The following RALGAPA2 variants were observed in gnomAD, a reference collection of about 807,000 sequenced individuals.
The protein encoded by RALGAPA2 is ral GTPase-activating protein subunit alpha-2.
In RALGAPA2, 139 loss-of-function variants were observed where a neutral mutation model predicts 230.4. That is an observed-to-expected ratio of 0.60 (90% CI 0.53 to 0.69). RALGAPA2 has a LOEUF of 0.69. Ranked by LOEUF, RALGAPA2 falls within the 30% of genes least tolerant of loss-of-function variation. The probability of loss-of-function intolerance (pLI) is 0.00; values close to 1 mark genes in which losing one functional copy is unlikely to be tolerated. For synonymous variants in RALGAPA2, 847 were observed against 837.8 expected, an observed-to-expected ratio of 1.01 and a Z score of -0.19; for missense variants, 2,163 against 2,276.0, an observed-to-expected ratio of 0.95 and a Z score of 1.01.
intron 38 of RALGAPA2, among the ~76,000 whole-genome samples, chr20:20,408,229 T>C (rs958113069): frequency 6.6e-6 from 1 of 152,234 alleles, no homozygotes; most frequent in Admixed American, 6.5e-5. Flanking sequence ...GAGAAAAATC[T>C]ATCAACTTCT....
In RALGAPA2 at chr20:20,511,256, C is replaced by G; in HGVS notation, c.4926G>C (p.Gln1642His). The change falls in exon 33 of 40, where the codon CAG (glutamine) becomes CAC (histidine). Residue 1642 changes from glutamine to histidine, a missense_variant and splice_region_variant. Gln to His is a conservative substitution (Grantham distance 24). Transcript: ENST00000202677. ...LRELKNLDSR[Q>H]CRETHKIAVF... ...TGGTTTGATATACTTTCACATACCA[C>G]TGGCGGGAGTCCAAATTTTTCAGCT... The G allele has an allele frequency of 6.3e-7, 1 of 1,575,556 alleles. No individual in the cohort carries two copies. Among genetic ancestry groups the G allele is most frequent in the Non-Finnish European group, 8.6e-7 (1 of 1,159,616 alleles).
intron 23 of RALGAPA2, among the ~76,000 whole-genome samples, chr20:20,556,824 G>A (rs568399570): frequency 6.6e-6 from 1 of 152,156 alleles, no homozygotes; most frequent in Non-Finnish European, 1.5e-5. Context: ...CAACAAGAAA[G>A]TTACTGGGGG....
intron 37 of RALGAPA2, among the ~76,000 whole-genome samples, chr20:20,469,336 T>A (rs2061490834): frequency 1.3e-5 from 2 of 151,786 alleles, no homozygotes; most frequent in Admixed American, 1.3e-4. Context: ...GGGAGAGGAG[T>A]CATTTTTGAA....
chr20:20,599,938 A>C (rs1224497650), intron 16 of RALGAPA2, among the ~76,000 whole-genome samples: 1 of 148,718 alleles, frequency 6.7e-6, no homozygotes, highest in African/African-American at 2.5e-5. Flanking sequence ...ACACCACTGC[A>C]CTTCAGCCTG....
intron 14 of RALGAPA2, among the ~76,000 whole-genome samples, chr20:20,610,561 A>C (rs1279678400): frequency 6.6e-6 from 1 of 152,062 alleles, no homozygotes; most frequent in African/African-American, 2.4e-5. Context: ...CCCTCACTGG[A>C]CCATCCCATT....
intron 37 of RALGAPA2, among the ~76,000 whole-genome samples, chr20:20,429,464 G>C (rs950555129): frequency 6.6e-6 from 1 of 152,130 alleles, no homozygotes; most frequent in Non-Finnish European, 1.5e-5. Context: ...TGACTTTCTA[G>C]CTAAATCATT....
At chr20:20,535,705 T>G (rs1460377627) in intron 26 of RALGAPA2, 40 bp downstream of exon 26, 1 of 1,532,012 alleles carries the variant, frequency 6.5e-7, no homozygotes. Context: ...AATGTGTATC[T>G]TAAAATTCTA....
At chr20:20,558,482 G>A (rs1222041803) in intron 23 of RALGAPA2, among the ~76,000 whole-genome samples, 1 of 152,056 alleles carries the variant, frequency 6.6e-6, no homozygotes, top group Admixed American at 6.5e-5. Context: ...AGATAAACAC[G>A]TTAACTCCTA....
chr20:20,569,447 G>A (rs1186945251), intron 23 of RALGAPA2, among the ~76,000 whole-genome samples: 2 of 152,072 alleles, frequency 1.3e-5, no homozygotes, highest in Non-Finnish European at 1.5e-5. Context: ...TTTCATCTTA[G>A]AAGTCTGAAT....
intron 23 of RALGAPA2, among the ~76,000 whole-genome samples, chr20:20,564,171 G>A (rs1264251356): frequency 6.6e-6 from 1 of 152,162 alleles, no homozygotes; most frequent in Non-Finnish European, 1.5e-5. Context: ...CTACAGTGCT[G>A]CCTGGATTCA....
At chr20:20,446,952 T>C (rs978059816) in intron 37 of RALGAPA2, among the ~76,000 whole-genome samples, 14 of 152,216 alleles carry the variant, frequency 9.2e-5, no homozygotes, top group African/African-American at 3.4e-4. Context: ...GATGGCCCAT[T>C]TGTCATGAAG....
chr20:20,644,302 C>G lies in RALGAPA2; in HGVS notation c.329-753G>C, dbSNP rs929864864. ...CTTTCCTCTCAGTCAAATTTCAGAT[C>G]CTTTAAGAAAAAAATTACTTAGATC... On this transcript the variant is annotated intron_variant, in intron 4 of 39. Coordinates refer to ENST00000202677, the MANE Select transcript of RALGAPA2 (RefSeq NM_020343.4). Among the ~76,000 whole-genome samples the G allele has an allele frequency of 2.0e-5, 3 of 152,036 alleles. No homozygotes were observed. The East Asian group carries it at 5.8e-4, about 29-fold the overall frequency.
chr20:20,637,950 T>G (rs1289618342), intron 7 of RALGAPA2, among the ~76,000 whole-genome samples: 4 of 152,138 alleles, frequency 2.6e-5, no homozygotes, highest in Admixed American at 1.3e-4. Flanking sequence ...GTTACCTACA[T>G]GTAAAACCAA....
chr20:20,619,363 A>G lies in RALGAPA2; in HGVS notation c.1453T>C (p.Tyr485His). 2 of 1,611,616 alleles carry G rather than the reference A, an allele frequency of 1.2e-6. No individual in the cohort carries two copies. Among genetic ancestry groups the G allele is most frequent in the Non-Finnish European group, 1.7e-6 (2 of 1,178,446 alleles). The change falls in exon 12 of 40, where the codon TAC becomes CAC. Residue 485 changes from tyrosine (Y) to histidine (H), a missense_variant. Physicochemically the swap from Tyr to His is moderately conservative, Grantham distance 83. Transcript: ENST00000202677. ...HKRSSSWGRTYSFTSAMSRGC... is the reference protein window; with the variant it reads ...HKRSSSWGRTHSFTSAMSRGC... Reference sequence around the variant, plus strand: ...CTGCTCATTGCACTTGTGAAGGAGTATGTGCGTCCCCAACTGGAAGATCGT... The same window carrying G: ...CTGCTCATTGCACTTGTGAAGGAGTGTGTGCGTCCCCAACTGGAAGATCGT...
In RALGAPA2 at chr20:20,543,841, G is replaced by C. The variant is rs1392387384; in HGVS notation, c.3285+2863C>G. Among the ~76,000 whole-genome samples, 5 of 150,542 alleles carry C rather than the reference G, an allele frequency of 3.3e-5. No individual in the cohort carries two copies. The South Asian group carries it at 1.1e-3, about 32-fold the overall frequency. On this transcript the variant is annotated intron_variant, in intron 24 of 39. Coordinates refer to ENST00000202677, the MANE Select transcript of RALGAPA2 (RefSeq NM_020343.4). ...ACATGTATACATATGTAACAAACCT[G>C]CACATTATGCACATGTACCCTAGAA...
At chr20:20,482,986 G>A (rs1019907089) in intron 36 of RALGAPA2, among the ~76,000 whole-genome samples, 2 of 152,204 alleles carry the variant, frequency 1.3e-5, no homozygotes, top group African/African-American at 4.8e-5. Flanking sequence ...TCATCCAAAT[G>A]AAAGCAACAC....
chr20:20,523,253 A>T (rs2063099610), intron 30 of RALGAPA2, among the ~76,000 whole-genome samples: 2 of 152,228 alleles, frequency 1.3e-5, no homozygotes, highest in South Asian at 4.1e-4. Context: ...ATTATAAGCA[A>T]TCCAGAGCAA....
intron 37 of RALGAPA2, among the ~76,000 whole-genome samples, chr20:20,431,833 A>C (rs576039697): frequency 6.6e-6 from 1 of 152,264 alleles, no homozygotes; most frequent in Admixed American, 6.5e-5. Flanking sequence ...GATGGTTCCA[A>C]ATGTCACTTC....
intron 3 of RALGAPA2, among the ~76,000 whole-genome samples, chr20:20,657,692 G>A (rs932966655): frequency 3.3e-5 from 5 of 152,142 alleles, no homozygotes; most frequent in Admixed American, 6.6e-5. Context: ...CGGCACAGCA[G>A]TAACTTGGTG....
Sources: gnomAD v4.1 joint callset for allele counts (sites outside exome capture counted in the v4.1 genomes callset) on GRCh38, gnomAD v4.1.1 for gene constraint, MANE v1.5 for transcripts, NCBI Gene and HGNC (gene_info 2026-07-23, HGNC 2026-07-21) for gene names.